The following MDN1 variants were observed in gnomAD, a reference collection of about 807,000 sequenced individuals.
The protein encoded by MDN1 is midasin.
In MDN1, 266 loss-of-function variants were observed where a neutral mutation model predicts 669.2. That is an observed-to-expected ratio of 0.40 (90% CI 0.36 to 0.44). MDN1 has a LOEUF of 0.44. Among genes scored for constraint, MDN1 ranks in the 20% least tolerant of loss-of-function variants. MDN1 has a pLI of 1.00. For synonymous variants in MDN1, 2,385 were observed against 2,457.1 expected, an observed-to-expected ratio of 0.97 and a Z score of 0.87; for missense variants, 5,940 against 6,754.0, an observed-to-expected ratio of 0.88 and a Z score of 4.22.
intron 40 of MDN1, among the ~76,000 whole-genome samples, chr6:89,719,631 C>G (rs1584261552): frequency 6.6e-6 from 1 of 152,202 alleles, no homozygotes; most frequent in Admixed American, 6.5e-5. Flanking sequence ...TAACCACCTC[C>G]TATGTACCAA....
rs370433924 is a variant in MDN1, at chr6:89,780,734, C to T, written c.1644-441G>A. On this transcript the variant is annotated intron_variant, in intron 10 of 101. Transcript: ENST00000369393. ...ATCTCGGCTCACTGCAACCTCCACC[C>T]GGGTTCAGGCAATTCTCTGCCTCAG... Among the ~76,000 whole-genome samples, 103 of 150,934 alleles carry T rather than the reference C, an allele frequency of 6.8e-4. 2 individuals are homozygous for T. In the South Asian group the frequency reaches 9.9e-3, roughly 15 times the overall value.
chr6:89,659,863 A>C (rs1809595363), intron 88 of MDN1, among the ~76,000 whole-genome samples: 1 of 152,160 alleles, frequency 6.6e-6, no homozygotes, highest in South Asian at 2.1e-4. Flanking sequence ...GTTATTAGCA[A>C]ATTCTTAAAA....
In MDN1 at chr6:89,670,158, A is replaced by T. The variant is rs1562061748; in HGVS notation, c.13956+761T>A. On this transcript the variant is annotated intron_variant, in intron 83 of 101. Transcript: ENST00000369393. ...AAAAAACATATATATATATATATAT[A>T]TATATATATATATTTTTTTTTTTTT... is the stretch of plus-strand genomic sequence containing the variant. 5.8e-4 allele frequency among the ~76,000 whole-genome samples: 14 copies of T among 24,336 alleles called. 1 individual carries two copies. In the East Asian group the frequency reaches 0.032, roughly 55 times the overall value. 16.0% of individuals were successfully genotyped at this position (24,336 alleles called of 152,430 possible). A position where few individuals can be genotyped will look rare whatever the true frequency, so the allele number is the denominator to read the frequency against.
At chr6:89,790,031 C>T in intron 6 of MDN1, 120 bp from the exon 7 acceptor site, 1 of 1,580,404 alleles carries the variant, frequency 6.3e-7, no homozygotes, top group South Asian at 1.1e-5. Flanking sequence ...TTGAGGTTTA[C>T]ATAGGTTGGC....
intron 1 of MDN1, among the ~76,000 whole-genome samples, chr6:89,807,213 A>G (rs1316107893): frequency 2.0e-5 from 3 of 152,042 alleles, no homozygotes; most frequent in Non-Finnish European, 4.4e-5. Flanking sequence ...CATCCTGCCA[A>G]GTAGCTGGGA....
chr6:89,739,065 T>C (rs1474820326), intron 32 of MDN1, among the ~76,000 whole-genome samples: 2 of 152,222 alleles, frequency 1.3e-5, no homozygotes, highest in Non-Finnish European at 2.9e-5. Flanking sequence ...GTTTGTCTGA[T>C]TACTTTGTAA....
intron 12 of MDN1, 93 bp from the exon 13 acceptor site, chr6:89,774,826 T>A (rs1818274980): frequency 2.5e-6 from 2 of 790,576 alleles, no homozygotes; most frequent in Non-Finnish European, 4.3e-6. Flanking sequence ...AAATTAGCAC[T>A]CTACAAAGAA....
intron 1 of MDN1, chr6:89,815,033 G>C: frequency 1.8e-6 from 1 of 548,408 alleles, no homozygotes; most frequent in Non-Finnish European, 3.2e-6. Context: ...AAGGCCAGGA[G>C]GAGGAAGAAA....
rs776145849 is a variant in MDN1 at position 89,690,793 on chromosome 6, T to C, written c.10629A>G (p.Gln3543=). The change falls in exon 64 of 102, where the codon CAA becomes CAG. Residue 3543 remains glutamine (Q), a synonymous_variant. Coordinates refer to ENST00000369393, the MANE Select transcript of MDN1 (RefSeq NM_014611.3). Reference sequence around the variant, plus strand: ...GGCCGCTTTCCTGCTCAGCCTTCTCTTGGGCTATGCGTTCCTGCTCATCCC... The same window carrying C: ...GGCCGCTTTCCTGCTCAGCCTTCTCCTGGGCTATGCGTTCCTGCTCATCCC... The part of the protein sequence containing the change: ...SEWDEQERIA[Q]EKAEQESGLY... The C allele has an allele frequency of 1.9e-6, 3 of 1,614,182 alleles. No individual in the cohort carries two copies. Among genetic ancestry groups the C allele is most frequent in the South Asian group, 1.1e-5 (1 of 91,068 alleles).
chr6:89,784,237 A>T (rs1818832186), intron 9 of MDN1, among the ~76,000 whole-genome samples: 1 of 152,150 alleles, frequency 6.6e-6, no homozygotes, highest in South Asian at 2.1e-4. Flanking sequence ...GAATTGCTTG[A>T]ACCAGGAGGC....
intron 17 of MDN1, 67 bp from the exon 18 acceptor site, chr6:89,759,027 T>C (rs1458558085): frequency 6.7e-7 from 1 of 1,493,906 alleles, no homozygotes; most frequent in East Asian, 2.3e-5. Context: ...AGAACAGTTA[T>C]GCAAGCAGGG....
intron 50 of MDN1, 60 bp downstream of exon 50, chr6:89,710,621 A>G: frequency 3.1e-6 from 3 of 978,846 alleles, no homozygotes; most frequent in Non-Finnish European, 4.5e-6. Flanking sequence ...TCTTTTCCCC[A>G]TAAAGTCAAA....
rs1343393994 is a variant in MDN1 at position 89,723,370 on chromosome 6, T to C, written c.5778+142A>G. On this transcript the variant is annotated intron_variant, in intron 39 of 101. Transcript: ENST00000369393. ...TACTGGAAGCCTCCACTACATAGTGTCCCTTCCACTAGAAACCTGTAGAAT... is the reference window on the plus strand; with the variant it reads ...TACTGGAAGCCTCCACTACATAGTGCCCCTTCCACTAGAAACCTGTAGAAT... 3 of 666,136 alleles carry C rather than the reference T, an allele frequency of 4.5e-6. No individual in the cohort carries two copies. In the South Asian group the frequency reaches 6.6e-5, roughly 15 times the overall value. 41.3% of individuals were successfully genotyped at this position (666,136 alleles called of 1,614,324 possible).
At position 89,819,691 on chromosome 6, in the gene MDN1, G is replaced by C. The variant is rs1017360392; in HGVS notation, c.-84C>G. ...CCAAGCCGCCGAGGTCCCAGTGCCC[G>C]AGCAGCCAGCAACTACGCCCGCAGG... On this transcript the variant is annotated 5_prime_UTR_variant, in exon 1 of 102. Transcript: ENST00000369393. 2 of 1,142,538 alleles carry C rather than the reference G, an allele frequency of 1.8e-6. No individual in the cohort carries two copies. The highest frequency in any genetic ancestry group is 3.0e-5 in the African/African-American group (2 of 66,118). 70.8% of individuals were successfully genotyped at this position (1,142,538 alleles called of 1,614,324 possible). A position where few individuals can be genotyped will look rare whatever the true frequency, so the allele number is the denominator to read the frequency against.
intron 15 of MDN1, among the ~76,000 whole-genome samples, chr6:89,766,404 T>C (rs1817803494): frequency 6.6e-6 from 1 of 151,502 alleles, no homozygotes; most frequent in Admixed American, 6.6e-5. Flanking sequence ...AAAACATACA[T>C]TTCAAAAAAG....
chr6:89,715,240 C>A (rs1441205727), intron 45 of MDN1, among the ~76,000 whole-genome samples: 1 of 152,192 alleles, frequency 6.6e-6, no homozygotes, highest in Non-Finnish European at 1.5e-5. Flanking sequence ...TGAATGGCAA[C>A]CCCATTTACC....
chr6:89,812,131 ATG>A (rs1562244840), intron 1 of MDN1, among the ~76,000 whole-genome samples: 1 of 151,496 alleles, frequency 6.6e-6, no homozygotes. Flanking sequence ...GATTACAGGC[ATG>A]CGCCACCACA....
At chr6:89,720,353 T>C (rs569382175) in intron 40 of MDN1, among the ~76,000 whole-genome samples, 37 of 145,220 alleles carry the variant, frequency 2.5e-4, no homozygotes, top group African/African-American at 9.1e-4. Context: ...TGAGCCAAGA[T>C]CACGCCACTG....
chr6:89,697,283 A>G (rs1812827641), intron 59 of MDN1, among the ~76,000 whole-genome samples: 1 of 152,234 alleles, frequency 6.6e-6, no homozygotes, highest in Non-Finnish European at 1.5e-5. Context: ...TCATAAAACA[A>G]CATATACTGA....
Sources: gnomAD v4.1 joint callset for allele counts (sites outside exome capture counted in the v4.1 genomes callset) on GRCh38, gnomAD v4.1.1 for gene constraint, MANE v1.5 for transcripts, NCBI Gene and HGNC (gene_info 2026-07-23, HGNC 2026-07-21) for gene names.